SIMC1: variants seen among roughly 807,000 people sequenced by gnomAD.
The protein encoded by SIMC1 is SUMO interacting motifs containing 1, also known as SUMO-interacting motif-containing protein 1.
Under a neutral mutation model 82.3 loss-of-function variants are expected in SIMC1, and 55 were observed. That is an observed-to-expected ratio of 0.67 (90% CI 0.54 to 0.84). The LOEUF (loss-of-function observed/expected upper bound fraction) is 0.84, where lower values mean the gene tolerates loss of function less well. Ranked by LOEUF, SIMC1 falls within the 40% of genes least tolerant of loss-of-function variation. The pLI is 0.00. For missense variants in SIMC1, 915 were observed against 1,107.2 expected, an observed-to-expected ratio of 0.83 and a Z score of 2.46; for synonymous variants, 353 against 426.3, an observed-to-expected ratio of 0.83 and a Z score of 2.12.
Position 176,260,300 on chromosome 5 carries a change from G to A in SIMC1, c.129+21663G>A, listed in dbSNP as rs539100418. On this transcript the variant is annotated intron_variant, in intron 1 of 9. Coordinates refer to ENST00000429602, the MANE Select transcript of SIMC1 (RefSeq NM_001308195.2). ...GCAAAGGCATAAGAATGACTTTGGC[G>A]ACTCGGGGAAGGGGTGAGAAGGGGG... Among the ~76,000 whole-genome samples, 5 of 152,206 alleles carry A rather than the reference G, an allele frequency of 3.3e-5. No individual in the cohort carries two copies. The East Asian group carries it at 5.8e-4, about 18-fold the overall frequency.
At chr5:176,245,963 G>A (rs1200543664) in intron 1 of SIMC1, among the ~76,000 whole-genome samples, 2 of 151,132 alleles carry the variant, frequency 1.3e-5, no homozygotes, top group Non-Finnish European at 2.9e-5. Flanking sequence ...TCAGGCATTT[G>A]TGCATAATAA....
chr5:176,340,835 G>A (rs1490292079), intron 9 of SIMC1, among the ~76,000 whole-genome samples: 1 of 152,228 alleles, frequency 6.6e-6, no homozygotes, highest in Non-Finnish European at 1.5e-5. Context: ...CCTCCCTGAA[G>A]AAGTGATACC....
intron 4 of SIMC1, chr5:176,307,929 A>G (rs1308265294): frequency 1.8e-6 from 1 of 549,694 alleles, no homozygotes; most frequent in Non-Finnish European, 3.3e-6. Context: ...AGCCAAAGAC[A>G]TACATTCAAA....
intron 7 of SIMC1, among the ~76,000 whole-genome samples, chr5:176,328,052 G>A (rs1182014969): frequency 1.3e-5 from 2 of 152,032 alleles, no homozygotes; most frequent in Non-Finnish European, 2.9e-5. Context: ...TTATTTTCCT[G>A]TAATGTTTAA....
At chr5:176,313,247 T>C in intron 4 of SIMC1, 1 of 1,366,740 alleles carries the variant, frequency 7.3e-7, no homozygotes, top group Middle Eastern at 2.8e-4. Context: ...AAGAACCAGT[T>C]TCTCTTTCTC....
intron 7 of SIMC1, among the ~76,000 whole-genome samples, chr5:176,332,626 A>G (rs1765715165): frequency 6.6e-6 from 1 of 152,218 alleles, no homozygotes; most frequent in Admixed American, 6.5e-5. Flanking sequence ...ATTTTGACAT[A>G]ATTGTAAATT....
rs371448558 is a variant in SIMC1 at position 176,273,654 on chromosome 5, C to G, written c.130-16000C>G. Among the ~76,000 whole-genome samples the G allele has an allele frequency of 3.2e-4, 49 of 151,158 alleles. No homozygotes were observed. The East Asian group carries it at 7.7e-3, about 24-fold the overall frequency. ...TATCTCCCAATGCTATCCCTCCCCCCTCACCTCACCCCACAACAGTCCCCA... is the reference window on the plus strand; with the variant it reads ...TATCTCCCAATGCTATCCCTCCCCCGTCACCTCACCCCACAACAGTCCCCA... On this transcript the variant is annotated intron_variant, in intron 1 of 9. Coordinates refer to ENST00000429602, the MANE Select transcript of SIMC1 (RefSeq NM_001308195.2).
intron 1 of SIMC1, among the ~76,000 whole-genome samples, chr5:176,248,718 T>C (rs1480840964): frequency 6.6e-6 from 1 of 152,138 alleles, no homozygotes; most frequent in Non-Finnish European, 1.5e-5. Flanking sequence ...CTTTTACCCA[T>C]TCAGTATGAT....
Position 176,303,734 on chromosome 5 carries a change from A to G in SIMC1, c.1734+7414A>G, listed in dbSNP as rs375408593. Among the ~76,000 whole-genome samples, 10 of 152,326 alleles carry G rather than the reference A, an allele frequency of 6.6e-5. No individual in the cohort carries two copies. The East Asian group carries it at 1.2e-3, about 18-fold the overall frequency. On this transcript the variant is annotated intron_variant, in intron 4 of 9. Transcript: ENST00000429602. ...GTGGTACAAGAAAGAAGATAGACAT[A>G]TGGACTAGAGAGCCCAGAAATAAAC...
intron 1 of SIMC1, among the ~76,000 whole-genome samples, chr5:176,245,080 T>C (rs1382280087): frequency 2.6e-5 from 4 of 152,196 alleles, no homozygotes; most frequent in African/African-American, 9.6e-5. Flanking sequence ...TAGGTGGAAC[T>C]GTATCTCCTA....
chr5:176,258,580 T>G (rs1761920570), intron 1 of SIMC1, among the ~76,000 whole-genome samples: 1 of 151,836 alleles, frequency 6.6e-6, no homozygotes, highest in South Asian at 2.1e-4. Flanking sequence ...ACAAAAATTG[T>G]TTTTTAAAAC....
chr5:176,323,987 CAAAAAAAAAAAAA>C (rs754656711), intron 6 of SIMC1, among the ~76,000 whole-genome samples: 2 of 96,952 alleles, frequency 2.1e-5, no homozygotes, highest in Non-Finnish European at 4.3e-5. Context: ...GACTCCATCT[CAAAAAAAAAAAAA>C]AAAAAAAAAA....
At chr5:176,263,125 G>T (rs1448327684) in intron 1 of SIMC1, among the ~76,000 whole-genome samples, 2 of 152,058 alleles carry the variant, frequency 1.3e-5, no homozygotes, top group Admixed American at 6.6e-5. Context: ...AAACTGTGAT[G>T]ACAGGTGTCA....
chr5:176,280,302 C>T (rs1448921147), intron 1 of SIMC1, among the ~76,000 whole-genome samples: 18 of 152,096 alleles, frequency 1.2e-4, no homozygotes, highest in Admixed American at 6.6e-5. Flanking sequence ...GCAACCCCTG[C>T]CTTTTTTTTG....
chr5:176,319,676 A>T lies in SIMC1; in HGVS notation c.1890-2597A>T, dbSNP rs117733190. Among the ~76,000 whole-genome samples, 826 of 152,350 alleles carry T rather than the reference A, an allele frequency of 5.4e-3. 19 individuals carry two copies. The highest frequency in any genetic ancestry group is 0.037 in the Admixed American group (568 of 15,302). On this transcript the variant is annotated intron_variant, in intron 5 of 9. Transcript: ENST00000429602. ...CCCTGACTCTGCAAAAGAAAATAAT[A>T]TAAACTGTATTCTTATTTTCTTCTT...
chr5:176,303,306 A>G (rs1764123256), intron 4 of SIMC1, among the ~76,000 whole-genome samples: 1 of 148,002 alleles, frequency 6.8e-6, no homozygotes, highest in South Asian at 2.1e-4. Context: ...CTTGCAAAGG[A>G]CACCAAATAG....
At position 176,323,455 on chromosome 5, in the gene SIMC1, T is replaced by C. The variant is rs564243388; in HGVS notation, c.2042+1030T>C. Among the ~76,000 whole-genome samples the C allele has an allele frequency of 3.2e-4, 48 of 152,362 alleles. 1 individual carries two copies. The highest frequency in any genetic ancestry group is 3.0e-3 in the Admixed American group (46 of 15,312). On this transcript the variant is annotated intron_variant, in intron 6 of 9. Transcript: ENST00000429602. ...AACAATAGTAGGTTGCTACCACTTA[T>C]CACTAGAGAGTCCCTGTGAGATATT...
At chr5:176,336,355 T>C (rs1429257799) in intron 7 of SIMC1, among the ~76,000 whole-genome samples, 1 of 152,202 alleles carries the variant, frequency 6.6e-6, no homozygotes, top group Non-Finnish European at 1.5e-5. Context: ...ATCAGCTTTT[T>C]GAGAGTGGTT....
chr5:176,288,845 C>T (rs1391700515), intron 1 of SIMC1, among the ~76,000 whole-genome samples: 1 of 152,144 alleles, frequency 6.6e-6, no homozygotes, highest in Non-Finnish European at 1.5e-5. Flanking sequence ...CAATATTTTT[C>T]CAGGCTCATG....
Sources: gnomAD v4.1 joint callset for allele counts (sites outside exome capture counted in the v4.1 genomes callset) on GRCh38, gnomAD v4.1.1 for gene constraint, MANE v1.5 for transcripts, NCBI Gene and HGNC (gene_info 2026-07-23, HGNC 2026-07-21) for gene names.